Variants in ARHGAP24 observed in about 807,000 individuals in gnomAD.
ARHGAP24 encodes the protein rho GTPase-activating protein 24.
A neutral mutation model predicts 76.4 loss-of-function variants in ARHGAP24; 50 were observed. The observed-to-expected ratio is 0.65, with a 90% CI of 0.52 to 0.83. The LOEUF (loss-of-function observed/expected upper bound fraction) is 0.83. ARHGAP24 is among the 40% of genes least tolerant of loss of function. ARHGAP24 has a pLI of 0.00. For missense variants in ARHGAP24, 930 were observed against 914.2 expected (o/e 1.02, Z -0.22); for synonymous variants, 345 against 323.3 (o/e 1.07, Z -0.72).
In ARHGAP24 at chr4:85,722,118, C is replaced by T. The variant is rs1560601560; in HGVS notation, c.268+146C>T. The T allele has an allele frequency of 1.4e-6, 1 of 703,152 alleles. No homozygotes were observed. 43.6% of individuals were successfully genotyped at this position (703,152 alleles called of 1,614,324 possible). A position where few individuals can be genotyped will look rare whatever the true frequency, so the allele number is the denominator to read the frequency against. On this transcript the variant is annotated intron_variant, in intron 3 of 9. Transcript: ENST00000395184. ...TTAGTGTTGACGCAGATAATGACTG[C>T]AGGTTTATATACTAGTACAAATGAA...
chr4:85,939,243 C>T (rs1232530113), intron 4 of ARHGAP24, among the ~76,000 whole-genome samples: 1 of 151,942 alleles, frequency 6.6e-6, no homozygotes, highest in Non-Finnish European at 1.5e-5. Flanking sequence ...TTTAAAAGCA[C>T]AAAAAATGTA....
At chr4:85,786,408 G>A (rs1229708534) in intron 3 of ARHGAP24, among the ~76,000 whole-genome samples, 3 of 152,118 alleles carry the variant, frequency 2.0e-5, no homozygotes, top group Admixed American at 6.5e-5. Flanking sequence ...TTTTAGTAGG[G>A]GAAGCCTTCC....
chr4:85,556,188 A>G (rs985698445), intron 1 of ARHGAP24, among the ~76,000 whole-genome samples: 2 of 152,078 alleles, frequency 1.3e-5, no homozygotes, highest in African/African-American at 2.4e-5. Context: ...TTCTCTCTAT[A>G]TAATAACTGT....
At chr4:85,626,602 C>A (rs1003645805) in intron 2 of ARHGAP24, among the ~76,000 whole-genome samples, 3 of 152,134 alleles carry the variant, frequency 2.0e-5, no homozygotes, top group African/African-American at 7.2e-5. Context: ...CTCTGTATTT[C>A]CTGAATCTGA....
chr4:85,542,753 T>C lies in ARHGAP24; in HGVS notation c.-20-27769T>C, dbSNP rs138409123. On this transcript the variant is annotated intron_variant, in intron 1 of 9. Coordinates refer to ENST00000395184, the MANE Select transcript of ARHGAP24 (RefSeq NM_001025616.3). ...ATGAATACAGTGTATTAATAGGTAATTGAGAGACATATTGATAGTGGTTGA... is the reference window on the plus strand; with the variant it reads ...ATGAATACAGTGTATTAATAGGTAACTGAGAGACATATTGATAGTGGTTGA... Among the ~76,000 whole-genome samples the C allele has an allele frequency of 1.7e-4, 26 of 152,324 alleles. 1 individual carries two copies. The East Asian group carries it at 5.0e-3, about 29-fold the overall frequency.
intron 2 of ARHGAP24, among the ~76,000 whole-genome samples, chr4:85,716,497 G>A (rs1003074227): frequency 9.2e-5 from 14 of 152,052 alleles, no homozygotes; most frequent in Non-Finnish European, 2.9e-5. Flanking sequence ...CATATGTGCT[G>A]AACTCTTATC....
chr4:85,884,761 G>T (rs1302955491), intron 3 of ARHGAP24, among the ~76,000 whole-genome samples: 2 of 151,992 alleles, frequency 1.3e-5, no homozygotes, highest in African/African-American at 4.8e-5. Flanking sequence ...AGAAATATTT[G>T]GCAGCTTTGA....
At position 85,867,938 on chromosome 4, in the gene ARHGAP24, C is replaced by T. The variant is rs143112001; in HGVS notation, c.269-55710C>T. On this transcript the variant is annotated intron_variant, in intron 3 of 9. Coordinates refer to ENST00000395184, the MANE Select transcript of ARHGAP24 (RefSeq NM_001025616.3). ...ATATGTACACACACACAAACCAAAA[C>T]GTAACTGAGATGGGTCTCAATCAAT... 1.6e-3 allele frequency among the ~76,000 whole-genome samples: 230 copies of T among 145,974 alleles called. 1 individual carries two copies. The highest frequency in any genetic ancestry group is 5.7e-3 in the African/African-American group (224 of 39,620).
chr4:85,514,157 T>C (rs771044818), intron 1 of ARHGAP24, among the ~76,000 whole-genome samples: 1 of 152,192 alleles, frequency 6.6e-6, no homozygotes, highest in Non-Finnish European at 1.5e-5. Flanking sequence ...ACTCCATCTT[T>C]CTATTCTAAG....
chr4:85,942,398 C>T (rs1737004989), intron 5 of ARHGAP24, 125 bp downstream of exon 5: 6 of 1,178,054 alleles, frequency 5.1e-6, no homozygotes, highest in Non-Finnish European at 7.4e-6. Flanking sequence ...GATTATTTGG[C>T]CACAGGAGTT....
intron 3 of ARHGAP24, among the ~76,000 whole-genome samples, chr4:85,867,015 G>A (rs1228719258): frequency 6.6e-6 from 1 of 152,080 alleles, no homozygotes; most frequent in Non-Finnish European, 1.5e-5. Context: ...CAGCATATGA[G>A]TGGTTCTGTA....
intron 2 of ARHGAP24, among the ~76,000 whole-genome samples, chr4:85,616,027 A>G (rs527826854): frequency 3.3e-5 from 5 of 152,350 alleles, no homozygotes; most frequent in African/African-American, 1.2e-4. Context: ...GGAAGATGGC[A>G]TATTTTAATT....
rs530130939 is a variant in ARHGAP24, at chr4:85,516,797, AT to A, written c.-21+41242del. Among the ~76,000 whole-genome samples the A allele has an allele frequency of 3.3e-3, 509 of 152,082 alleles. 2 individuals carry two copies. The highest frequency in any genetic ancestry group is 0.012 in the African/African-American group (493 of 41,488). ...TCTGCCTCCCTGCCCCCAACTTTTA[AT>A]TTTATGGTATGTAATTGATTGGTCT... On this transcript the variant is annotated intron_variant, in intron 1 of 9. Coordinates refer to ENST00000395184, the MANE Select transcript of ARHGAP24 (RefSeq NM_001025616.3).
At chr4:85,717,165 A>G (rs775174788) in intron 2 of ARHGAP24, among the ~76,000 whole-genome samples, 8 of 152,068 alleles carry the variant, frequency 5.3e-5, no homozygotes, top group Admixed American at 1.3e-4. Context: ...TGGAGCTTAA[A>G]TCTTCCTAAT....
Position 86,002,389 on chromosome 4 carries a change from C to T in ARHGAP24, c.*1667C>T, listed in dbSNP as rs545102544. On this transcript the variant is annotated 3_prime_UTR_variant, in exon 10 of 10. Coordinates refer to ENST00000395184, the MANE Select transcript of ARHGAP24 (RefSeq NM_001025616.3). ...CTCTTTCCAATTATTTAACCAGTTA[C>T]TTCCACCTGGACATACGATAGGAAA... The T allele has an allele frequency of 6.6e-6, 1 of 152,284 alleles. No individual in the cohort carries two copies. The highest frequency in any genetic ancestry group is 2.4e-5 in the African/African-American group (1 of 41,562). 9.4% of individuals were successfully genotyped at this position (152,284 alleles called of 1,614,324 possible). A position where few individuals can be genotyped will look rare whatever the true frequency, so the allele number is the denominator to read the frequency against.
At chr4:85,737,913 G>A (rs1578185332) in intron 3 of ARHGAP24, among the ~76,000 whole-genome samples, 1 of 152,012 alleles carries the variant, frequency 6.6e-6, no homozygotes, top group South Asian at 2.1e-4. Context: ...TCTTGATTTT[G>A]TCAGTATAAG....
At chr4:85,671,509 A>G in intron 2 of ARHGAP24, among the ~76,000 whole-genome samples, 1 of 152,210 alleles carries the variant, frequency 6.6e-6, no homozygotes, top group East Asian at 1.9e-4. Context: ...AGATGTGTGG[A>G]TGAATAGAAG....
At chr4:85,680,487 TTGA>T (rs1723165662) in intron 2 of ARHGAP24, among the ~76,000 whole-genome samples, 1 of 152,084 alleles carries the variant, frequency 6.6e-6, no homozygotes, top group Non-Finnish European at 1.5e-5. Flanking sequence ...AATTTAAATT[TTGA>T]TGATATTAAA....
rs967619845 is a variant in ARHGAP24 at position 85,942,118 on chromosome 4, G to A, written c.444G>A (p.Gly148=). The part of the protein sequence containing the change: ...EDTVRYEKRY[G]NRLAPMLVEQ... ...CTGTTCGTTATGAGAAGAGATATGG[G>A]AACCGTCTGGCTCCGATGTTGGTGG... The change falls in exon 5 of 10, where the codon GGG becomes GGA. Residue 148 remains glycine (G), a synonymous_variant. Coordinates refer to ENST00000395184, the MANE Select transcript of ARHGAP24 (RefSeq NM_001025616.3). 1.9e-6 allele frequency: 3 copies of A among 1,613,772 alleles called. No homozygotes were observed. Among genetic ancestry groups the A allele is most frequent in the Admixed American group, 1.7e-5 (1 of 59,980 alleles).
Sources: allele counts gnomAD v4.1 joint callset (sites outside exome capture counted in the v4.1 genomes callset), GRCh38; gene constraint gnomAD v4.1.1; transcripts MANE v1.5; gene names NCBI Gene and HGNC (gene_info 2026-07-23, HGNC 2026-07-21).